Variants in DPP10 observed in about 807,000 individuals in gnomAD.
DPP10 encodes inactive dipeptidyl peptidase 10.
A neutral mutation model predicts 120.9 loss-of-function variants in DPP10; 33 were observed. The observed-to-expected ratio is 0.27, with a 90% CI of 0.21 to 0.37. DPP10 has a LOEUF of 0.37. Ranked by LOEUF, DPP10 falls within the 10% of genes least tolerant of loss-of-function variation. The pLI, the probability that DPP10 is intolerant of heterozygous loss-of-function variation, is 1.00. For missense variants in DPP10, 816 were observed against 942.8 expected (o/e 0.87, Z 1.76); for synonymous variants, 337 against 326.1 (o/e 1.03, Z -0.36).
chr2:114,843,064 C>A (rs1688283356), intron 1 of DPP10, among the ~76,000 whole-genome samples: 1 of 152,068 alleles, frequency 6.6e-6, no homozygotes, highest in East Asian at 1.9e-4. Context: ...GGGTAGGTAT[C>A]AAATAAACAA....
intron 1 of DPP10, among the ~76,000 whole-genome samples, chr2:114,839,915 C>T (rs538315024): frequency 6.6e-6 from 1 of 152,160 alleles, no homozygotes; most frequent in African/African-American, 2.4e-5. Context: ...ACACTCAGGG[C>T]TTACAACTGA....
At chr2:115,033,215 A>G (rs1703968505) in intron 1 of DPP10, among the ~76,000 whole-genome samples, 2 of 152,280 alleles carry the variant, frequency 1.3e-5, no homozygotes, top group Middle Eastern at 3.4e-3. Flanking sequence ...TGGTTCATGC[A>G]GTTGAATAGT....
chr2:115,478,912 G>A (rs1202766278), intron 3 of DPP10, among the ~76,000 whole-genome samples: 1 of 152,100 alleles, frequency 6.6e-6, no homozygotes, highest in Non-Finnish European at 1.5e-5. Context: ...AAAATATTTG[G>A]TGATGACGTG....
chr2:114,563,349 T>A (rs1688924580), intron 1 of DPP10, among the ~76,000 whole-genome samples: 1 of 150,384 alleles, frequency 6.6e-6, no homozygotes, highest in African/African-American at 2.5e-5. Flanking sequence ...TCCAGCCTGG[T>A]GACAGAGCAA....
At chr2:115,129,520 G>A (rs921117450) in intron 1 of DPP10, among the ~76,000 whole-genome samples, 3 of 152,104 alleles carry the variant, frequency 2.0e-5, no homozygotes, top group African/African-American at 7.2e-5. Flanking sequence ...GTAAAGGAGA[G>A]GCATATGTGG....
Position 114,738,922 on chromosome 2 carries a change from G to A in DPP10, c.60+296084G>A, listed in dbSNP as rs1243058622. On this transcript the variant is annotated intron_variant, in intron 1 of 25. Coordinates refer to ENST00000410059, the MANE Select transcript of DPP10 (RefSeq NM_020868.6). ...GGAGAGCTTAGGGTGCCTCATGGAA[G>A]CCCAGAAGCCCACCCCTGAAATGTC... is the stretch of plus-strand genomic sequence containing the variant. 1.3e-5 allele frequency among the ~76,000 whole-genome samples: 2 copies of A among 152,122 alleles called. 1 individual carries two copies. The highest frequency in any genetic ancestry group is 4.8e-5 in the African/African-American group (2 of 41,434).
At chr2:115,272,958 A>C (rs901684941) in intron 1 of DPP10, among the ~76,000 whole-genome samples, 1 of 152,232 alleles carries the variant, frequency 6.6e-6, no homozygotes. Flanking sequence ...GGTTTGCTGC[A>C]CTGTAACATG....
chr2:114,691,306 G>C (rs190117521), intron 1 of DPP10, among the ~76,000 whole-genome samples: 117 of 152,170 alleles, frequency 7.7e-4, no homozygotes, highest in African/African-American at 2.6e-3. Flanking sequence ...GGCTTTTTCT[G>C]TGTCTGTTGA....
chr2:115,627,600 G>A lies in DPP10; in HGVS notation c.442-62087G>A, dbSNP rs571259870. Among the ~76,000 whole-genome samples the A allele has an allele frequency of 6.1e-4, 93 of 152,218 alleles. 1 individual carries two copies. Among genetic ancestry groups the A allele is most frequent in the Admixed American group, 6.1e-3 (93 of 15,280 alleles). On this transcript the variant is annotated intron_variant, in intron 5 of 25. Coordinates refer to ENST00000410059, the MANE Select transcript of DPP10 (RefSeq NM_020868.6). ...TGTTACATAGGTAAACGTGTGCTAT[G>A]GTGGTTTGCTGCACCTATCAACCTA...
intron 5 of DPP10, among the ~76,000 whole-genome samples, chr2:115,585,268 T>C (rs2082219351): frequency 1.3e-5 from 2 of 152,150 alleles, no homozygotes; most frequent in Admixed American, 1.3e-4. Flanking sequence ...ATTCCAAAGG[T>C]CTTAATATTA....
intron 1 of DPP10, among the ~76,000 whole-genome samples, chr2:115,118,584 T>C (rs2104722514): frequency 6.6e-6 from 1 of 152,222 alleles, no homozygotes; most frequent in South Asian, 2.1e-4. Flanking sequence ...TTGTTTTTTG[T>C]TTCTTGTTTT....
At chr2:115,431,536 A>G (rs986080852) in intron 3 of DPP10, among the ~76,000 whole-genome samples, 3 of 152,140 alleles carry the variant, frequency 2.0e-5, no homozygotes, top group African/African-American at 4.8e-5. Context: ...CCTAAAGCCA[A>G]TGATCTCTGA....
At chr2:115,232,992 G>C (rs2057812896) in intron 1 of DPP10, among the ~76,000 whole-genome samples, 1 of 151,908 alleles carries the variant, frequency 6.6e-6, no homozygotes, top group Admixed American at 6.6e-5. Context: ...CTAGAGTTGA[G>C]AACTAAATAT....
Position 115,689,858 on chromosome 2 carries a change from T to A in DPP10, c.513T>A (p.Asn171Lys). 6.2e-7 allele frequency: 1 copy of A among 1,613,868 alleles called. No homozygotes were observed. Among genetic ancestry groups the A allele is most frequent in the Non-Finnish European group, 8.5e-7 (1 of 1,179,950 alleles). The part of the protein sequence containing the change: ...NIHTREVWEL[N>K]PPEVEDSVLQ... Reference sequence around the variant, plus strand: ...TTTCAAGGGAAGTTTGGGAGTTAAATCCTCCAGAAGTAGAGGACTCCGTCT... The same window carrying A: ...TTTCAAGGGAAGTTTGGGAGTTAAAACCTCCAGAAGTAGAGGACTCCGTCT... The change falls in exon 7 of 26, where the codon AAT (asparagine) becomes AAA (lysine). Residue 171 changes from asparagine to lysine, a missense_variant. By Grantham distance (94) the Asn-to-Lys change is moderately conservative. Around this residue, in one of 3 missense-constraint regions of DPP10, gnomAD observed 182 missense variants for 207.4 expected, o/e 0.88. Transcript: ENST00000410059.
chr2:114,511,536 C>T (rs1174350617), intron 1 of DPP10, among the ~76,000 whole-genome samples: 3 of 152,150 alleles, frequency 2.0e-5, no homozygotes, highest in Non-Finnish European at 4.4e-5. Context: ...AAAAACAAAA[C>T]AGAACAAATA....
chr2:114,570,218 C>T (rs867881361), intron 1 of DPP10, among the ~76,000 whole-genome samples: 1 of 152,184 alleles, frequency 6.6e-6, no homozygotes, highest in Middle Eastern at 3.4e-3. Flanking sequence ...GGTTTGTCAC[C>T]AAAGACTTCC....
intron 1 of DPP10, among the ~76,000 whole-genome samples, chr2:114,962,327 A>G (rs1333630929): frequency 6.6e-6 from 1 of 152,208 alleles, no homozygotes; most frequent in African/African-American, 2.4e-5. Flanking sequence ...GGTAAAAGAA[A>G]CTAGGATCCA....
chr2:115,124,819 A>G (rs1307747623), intron 1 of DPP10, among the ~76,000 whole-genome samples: 4 of 152,224 alleles, frequency 2.6e-5, no homozygotes, highest in African/African-American at 7.2e-5. Context: ...ACAAATAGTT[A>G]CAGTTATAGA....
chr2:115,524,825 G>A (rs55697033), intron 4 of DPP10, among the ~76,000 whole-genome samples: 28,453 of 151,994 alleles, frequency 0.19, 3,336 homozygotes, highest in East Asian at 0.39. Context: ...TATCATTTAG[G>A]AAATTTCAAG....
Sources: allele counts gnomAD v4.1 joint callset (sites outside exome capture counted in the v4.1 genomes callset), GRCh38; gene constraint gnomAD v4.1.1; regional missense constraint gnomAD v4.1.1; transcripts MANE v1.5; gene names NCBI Gene and HGNC (gene_info 2026-07-23, HGNC 2026-07-21).